Variants in ADAMTSL1 observed in about 807,000 individuals in gnomAD.
The protein encoded by ADAMTSL1 is ADAMTS like 1.
Under a neutral mutation model 201.8 loss-of-function variants are expected in ADAMTSL1, and 126 were observed. The ratio of observed to expected loss-of-function variants is 0.62; its 90% confidence interval spans 0.54 to 0.72. ADAMTSL1 has a LOEUF of 0.72. ADAMTSL1 is among the 30% of genes least tolerant of loss of function. ADAMTSL1 has a pLI of 0.00. For missense variants in ADAMTSL1, 2,679 were observed against 2,277.8 expected, an observed-to-expected ratio of 1.18 and a Z score of -3.59; for synonymous variants, 1,121 against 903.4, an observed-to-expected ratio of 1.24 and a Z score of -4.32.
intron 2 of ADAMTSL1, among the ~76,000 whole-genome samples, chr9:18,526,791 A>G (rs904707049): frequency 6.6e-6 from 1 of 152,216 alleles, no homozygotes; most frequent in African/African-American, 2.4e-5. Context: ...TTGATGTGAC[A>G]GGAGAAACTG....
intron 23 of ADAMTSL1, among the ~76,000 whole-genome samples, chr9:18,853,215 C>T (rs1307514684): frequency 6.6e-6 from 1 of 152,124 alleles, no homozygotes; most frequent in Non-Finnish European, 1.5e-5. Flanking sequence ...GACATCTCTC[C>T]ATGTGTGACT....
chr9:18,204,000 C>A (rs1373228158), intron 2 of ADAMTSL1, among the ~76,000 whole-genome samples: 2 of 152,160 alleles, frequency 1.3e-5, no homozygotes, highest in Non-Finnish European at 2.9e-5. Flanking sequence ...GTGAAACTTA[C>A]TGAGTCAGAA....
intron 1 of ADAMTSL1, among the ~76,000 whole-genome samples, chr9:18,013,541 C>G (rs1340591439): frequency 6.6e-6 from 1 of 151,944 alleles, no homozygotes; most frequent in East Asian, 1.9e-4. Flanking sequence ...AAAAACCAAA[C>G]CAAAGCAACC....
At chr9:18,381,899 C>T (rs1837576186) in intron 2 of ADAMTSL1, among the ~76,000 whole-genome samples, 2 of 152,098 alleles carry the variant, frequency 1.3e-5, no homozygotes. Context: ...ATGTTTGCAC[C>T]TTTAATTTAA....
At chr9:17,909,287 T>C (rs1825841119) in intron 1 of ADAMTSL1, among the ~76,000 whole-genome samples, 1 of 147,714 alleles carries the variant, frequency 6.8e-6, no homozygotes, top group Non-Finnish European at 1.5e-5. Flanking sequence ...TTCACTCTGA[T>C]GGTAGTTTCT....
intron 14 of ADAMTSL1, among the ~76,000 whole-genome samples, chr9:18,714,865 C>T (rs896556073): frequency 6.6e-6 from 1 of 151,074 alleles, no homozygotes; most frequent in African/African-American, 2.4e-5. Flanking sequence ...TACTGGCAAA[C>T]CAAATCCAGC....
chr9:18,657,135 G>A (rs974012382), intron 7 of ADAMTSL1, among the ~76,000 whole-genome samples: 2 of 152,132 alleles, frequency 1.3e-5, no homozygotes, highest in Admixed American at 6.5e-5. Context: ...TGGTAACTTC[G>A]CACACTAAAT....
At chr9:18,734,585 G>C (rs1818401503) in intron 15 of ADAMTSL1, among the ~76,000 whole-genome samples, 1 of 152,128 alleles carries the variant, frequency 6.6e-6, no homozygotes, top group Admixed American at 6.5e-5. Context: ...TAGGAAACCA[G>C]TATACAAACA....
chr9:18,119,940 C>G (rs1227808161), intron 1 of ADAMTSL1, among the ~76,000 whole-genome samples: 2 of 152,186 alleles, frequency 1.3e-5, no homozygotes, highest in South Asian at 2.1e-4. Context: ...GAACACACCA[C>G]TTTTCTATGA....
intron 1 of ADAMTSL1, among the ~76,000 whole-genome samples, chr9:18,095,891 G>A (rs1006647554): frequency 1.3e-5 from 2 of 152,300 alleles, no homozygotes; most frequent in Admixed American, 1.3e-4. Context: ...CTGCTACTGG[G>A]TTGGTCATTG....
chr9:18,176,654 A>G (rs1828173762), intron 2 of ADAMTSL1, among the ~76,000 whole-genome samples: 1 of 152,188 alleles, frequency 6.6e-6, no homozygotes, highest in Non-Finnish European at 1.5e-5. Flanking sequence ...CAGGAATTCA[A>G]CTTAACAACC....
At position 18,871,338 on chromosome 9, in the gene ADAMTSL1, A is replaced by T. The variant is rs931608639; in HGVS notation, c.4250-16493A>T. On this transcript the variant is annotated intron_variant, in intron 23 of 28. Transcript: ENST00000380548. ...AAAATTTTTTGCTTTCTAAGCTTCC[A>T]TGTTATTACATAGTCTCAGTTTTCC... Among the ~76,000 whole-genome samples the T allele has an allele frequency of 2.6e-5, 4 of 152,252 alleles. No individual in the cohort carries two copies. The East Asian group carries it at 7.7e-4, about 29-fold the overall frequency.
At chr9:18,091,564 C>G (rs958395314) in intron 1 of ADAMTSL1, among the ~76,000 whole-genome samples, 1 of 152,110 alleles carries the variant, frequency 6.6e-6, no homozygotes, top group African/African-American at 2.4e-5. Flanking sequence ...GTGTCTAGGA[C>G]ACTAAGACAT....
intron 1 of ADAMTSL1, among the ~76,000 whole-genome samples, chr9:18,134,916 A>C (rs763976): frequency 0.16 from 24,720 of 152,202 alleles, 2,312 homozygotes; most frequent in East Asian, 0.22. Context: ...TCACAACTTC[A>C]ATAACTGTAA....
At position 18,269,845 on chromosome 9, in the gene ADAMTSL1, C is replaced by CTTT. The variant is rs11376831; in HGVS notation, c.207+105877_207+105879dup. On this transcript the variant is annotated intron_variant, in intron 2 of 29. Coordinates refer to the ADAMTSL1 transcript ENST00000680146. ...GCAGAGAGTTTGTTTCCTCTTCATC[C>CTTT]TTTTTTTTTTTTTTTAATTTGTGCA... 8.7e-4 allele frequency among the ~76,000 whole-genome samples: 127 copies of CTTT among 145,564 alleles called. 1 individual carries two copies. The East Asian group carries it at 0.021, about 24-fold the overall frequency.
At chr9:18,458,755 C>T (rs1246974923) in intron 2 of ADAMTSL1, among the ~76,000 whole-genome samples, 2 of 152,140 alleles carry the variant, frequency 1.3e-5, no homozygotes, top group African/African-American at 4.8e-5. Flanking sequence ...GGCACTGCTT[C>T]CCCATGGGTA....
chr9:18,204,191 A>G (rs1037904218), intron 2 of ADAMTSL1, among the ~76,000 whole-genome samples: 1 of 152,100 alleles, frequency 6.6e-6, no homozygotes, highest in Non-Finnish European at 1.5e-5. Flanking sequence ...TCCAAATCTC[A>G]TCTTGAATTA....
At chr9:18,778,816 G>A (rs945440034) in intron 19 of ADAMTSL1, among the ~76,000 whole-genome samples, 1 of 152,202 alleles carries the variant, frequency 6.6e-6, no homozygotes, top group Non-Finnish European at 1.5e-5. Flanking sequence ...TTATGTGGCA[G>A]AGCTACGATA....
chr9:18,648,718 CA>C (rs1453044482), intron 7 of ADAMTSL1, among the ~76,000 whole-genome samples: 1 of 151,908 alleles, frequency 6.6e-6, no homozygotes, highest in Non-Finnish European at 1.5e-5. Context: ...TATTGGTCCC[CA>C]CTGTCTTCTG....
Sources: allele counts gnomAD v4.1 joint callset (sites outside exome capture counted in the v4.1 genomes callset), GRCh38; gene constraint gnomAD v4.1.1; transcripts MANE v1.5; gene names NCBI Gene and HGNC (gene_info 2026-07-23, HGNC 2026-07-21).